Variants in ITIH5 observed in about 807,000 individuals in gnomAD.
ITIH5 encodes inter-alpha-trypsin inhibitor heavy chain H5.
A neutral mutation model predicts 77.5 loss-of-function variants in ITIH5; 65 were observed. That is an observed-to-expected ratio of 0.84 (90% CI 0.69 to 1.03). ITIH5 has a LOEUF of 1.03. Among genes scored for constraint, ITIH5 ranks in the 50% least tolerant of loss-of-function variants. The probability of loss-of-function intolerance (pLI) is 0.00; values close to 1 mark genes in which losing one functional copy is unlikely to be tolerated. For synonymous variants in ITIH5, 525 were observed against 494.3 expected, an observed-to-expected ratio of 1.06 and a Z score of -0.82; for missense variants, 1,208 against 1,213.1, an observed-to-expected ratio of 1.00 and a Z score of 0.06.
At chr10:7,607,928 T>C (rs1387332799) in intron 7 of ITIH5, among the ~76,000 whole-genome samples, 1 of 152,244 alleles carries the variant, frequency 6.6e-6, no homozygotes, top group East Asian at 1.9e-4. Flanking sequence ...AGCTAGACTC[T>C]TCTGATATTT....
chr10:7,583,919 C>T (rs375418659), intron 8 of ITIH5, among the ~76,000 whole-genome samples: 1 of 152,136 alleles, frequency 6.6e-6, no homozygotes, highest in Non-Finnish European at 1.5e-5. Context: ...CAAGCACCAG[C>T]GAGAGGGGTT....
At chr10:7,589,500 G>C (rs960479822) in intron 7 of ITIH5, among the ~76,000 whole-genome samples, 1 of 152,024 alleles carries the variant, frequency 6.6e-6, no homozygotes, top group African/African-American at 2.4e-5. Flanking sequence ...CACCTGCCCA[G>C]GGACAAGAAC....
chr10:7,574,080 T>C (rs1832359478), intron 10 of ITIH5, among the ~76,000 whole-genome samples: 1 of 152,240 alleles, frequency 6.6e-6, no homozygotes, highest in Non-Finnish European at 1.5e-5. Flanking sequence ...TCTGTAGCTA[T>C]GTGTGCGGCG....
At chr10:7,610,069 CTTTTTTT>C (rs5782989) in intron 7 of ITIH5, among the ~76,000 whole-genome samples, 6 of 86,736 alleles carry the variant, frequency 6.9e-5, no homozygotes, top group Non-Finnish European at 1.2e-4. Flanking sequence ...TTTCTTTTTT[CTTTTTTT>C]TTTTTTTTTT....
At position 7,635,094 on chromosome 10, in the gene ITIH5, T is replaced by C. The variant is rs147663698; in HGVS notation, c.652+2134A>G. Among the ~76,000 whole-genome samples the C allele has an allele frequency of 4.0e-3, 604 of 152,300 alleles. 6 individuals carry two copies. The highest frequency in any genetic ancestry group is 0.014 in the African/African-American group (580 of 41,574). On this transcript the variant is annotated intron_variant, in intron 5 of 13. Coordinates refer to ENST00000397146, the MANE Select transcript of ITIH5 (RefSeq NM_030569.7). ...GTGAGCCACCATCCCTGGCCTGCTT[T>C]TCTTCTGTAGTTCGAAGACACTCAA...
chr10:7,591,099 G>A (rs1832785855), intron 7 of ITIH5, among the ~76,000 whole-genome samples: 1 of 152,146 alleles, frequency 6.6e-6, no homozygotes, highest in Admixed American at 6.5e-5. Context: ...GTTTCACCAT[G>A]TTGGCCAGGA....
At chr10:7,640,281 G>A (rs1445715127) in intron 4 of ITIH5, among the ~76,000 whole-genome samples, 1 of 151,486 alleles carries the variant, frequency 6.6e-6, no homozygotes, top group African/African-American at 2.4e-5. Context: ...GATTAGCCTG[G>A]GCAATGTAGC....
chr10:7,627,311 A>G (rs187277275), intron 5 of ITIH5, among the ~76,000 whole-genome samples: 26 of 145,228 alleles, frequency 1.8e-4, no homozygotes, highest in African/African-American at 6.3e-4. Context: ...AAGAAAAAAA[A>G]GAAAATAAGA....
Position 7,576,467 on chromosome 10 carries a change from G to C in ITIH5, c.1964C>G (p.Ala655Gly), listed in dbSNP as rs1470190377. The C allele has an allele frequency of 1.7e-5, 27 of 1,593,554 alleles. No homozygotes were observed. The highest frequency in any genetic ancestry group is 4.0e-5 in the African/African-American group (3 of 74,648). ...PEPVVQSVRGAGTQPGPLLKK... is the reference protein window; with the variant it reads ...PEPVVQSVRGGGTQPGPLLKK... Reference sequence around the variant, plus strand: ...GTGCCTCGTACCTGGCTGCGTGCCAGCTCCTCGCACGCTCTGCACCACCGG... The same window carrying C: ...GTGCCTCGTACCTGGCTGCGTGCCACCTCCTCGCACGCTCTGCACCACCGG... The change falls in exon 10 of 14, where the codon GCT becomes GGT. Residue 655 changes from alanine (A) to glycine (G), a missense_variant. Ala to Gly is a moderately conservative substitution (Grantham distance 60, BLOSUM62 0). Transcript: ENST00000397146.
chr10:7,570,895 T>C (rs993223495), intron 11 of ITIH5, among the ~76,000 whole-genome samples: 1 of 152,226 alleles, frequency 6.6e-6, no homozygotes, highest in African/African-American at 2.4e-5. Flanking sequence ...GTGCTGGGAT[T>C]TCAGGCGTGA....
At position 7,566,333 on chromosome 10, in the gene ITIH5, G is replaced by A. The variant is rs749075587; in HGVS notation, c.2224C>T (p.Arg742Cys). ...TTGTTGATGAGGATGGTGATAGTGC[G>A]CAAGTAAGTGCGCTGTTTCTTGTGG... Reference protein sequence around the residue: ...NGHKKQRTYLRTITILINKPE... With the variant: ...NGHKKQRTYLCTITILINKPE... The change falls in exon 13 of 14, where the codon CGC (arginine) becomes TGC (cysteine). Residue 742 changes from arginine to cysteine, a missense_variant. Coordinates refer to ENST00000397146, the MANE Select transcript of ITIH5 (RefSeq NM_030569.7). The A allele has an allele frequency of 1.5e-5, 24 of 1,612,824 alleles. No individual in the cohort carries two copies. Among genetic ancestry groups the A allele is most frequent in the East Asian group, 6.7e-5 (3 of 44,844 alleles).
chr10:7,660,734 A>C (rs1443318236), intron 1 of ITIH5, among the ~76,000 whole-genome samples: 1 of 152,232 alleles, frequency 6.6e-6, no homozygotes, highest in Non-Finnish European at 1.5e-5. Flanking sequence ...ATGGGAAAGA[A>C]TGGGAGGCAG....
chr10:7,567,319 T>TTTA (rs59350117), intron 12 of ITIH5, among the ~76,000 whole-genome samples: 19,619 of 139,288 alleles, frequency 0.14, 1,614 homozygotes, highest in African/African-American at 0.22. Flanking sequence ...TCGGACATCT[T>TTTA]TTATTATTAT....
chr10:7,641,506 C>T (rs1440101630), intron 3 of ITIH5, among the ~76,000 whole-genome samples: 2 of 149,836 alleles, frequency 1.3e-5, no homozygotes, highest in South Asian at 2.1e-4. Flanking sequence ...AGTAACCTGG[C>T]CCATAAAGGT....
chr10:7,626,205 C>A (rs1437973627), intron 5 of ITIH5, among the ~76,000 whole-genome samples: 1 of 152,090 alleles, frequency 6.6e-6, no homozygotes, highest in Non-Finnish European at 1.5e-5. Flanking sequence ...CAAGCCAAGG[C>A]AGCAGGAAAA....
chr10:7,614,573 G>A (rs1248958735), intron 7 of ITIH5, among the ~76,000 whole-genome samples: 2 of 152,130 alleles, frequency 1.3e-5, no homozygotes, highest in East Asian at 1.9e-4. Flanking sequence ...GCCCAGGGAA[G>A]CCAAAAGACT....
chr10:7,576,040 T>G (rs1197880812), intron 10 of ITIH5, among the ~76,000 whole-genome samples: 1 of 152,180 alleles, frequency 6.6e-6, no homozygotes, highest in East Asian at 1.9e-4. Context: ...GGTTGTTTTT[T>G]TAGAGACGGG....
chr10:7,584,114 C>A (rs1048834133), intron 8 of ITIH5, among the ~76,000 whole-genome samples: 1 of 152,146 alleles, frequency 6.6e-6, no homozygotes, highest in Non-Finnish European at 1.5e-5. Context: ...CAAACCCAGG[C>A]AGTCTGGCTT....
At chr10:7,593,103 T>C (rs533346087) in intron 7 of ITIH5, among the ~76,000 whole-genome samples, 2 of 152,174 alleles carry the variant, frequency 1.3e-5, no homozygotes, top group East Asian at 3.9e-4. Context: ...GCATTTTTTT[T>C]TCCCCACAGG....
Sources: allele counts gnomAD v4.1 joint callset (sites outside exome capture counted in the v4.1 genomes callset), GRCh38; gene constraint gnomAD v4.1.1; transcripts MANE v1.5; gene names NCBI Gene and HGNC (gene_info 2026-07-23, HGNC 2026-07-21).